Variants in SLC12A9 observed in about 807,000 individuals in gnomAD.
The protein encoded by SLC12A9 is solute carrier family 12 member 9.
SLC12A9 carries 55 observed loss-of-function variants against 66.0 expected under a neutral mutation model. The ratio of observed to expected loss-of-function variants is 0.83; its 90% CI spans 0.67 to 1.04. The LOEUF (loss-of-function observed/expected upper bound fraction) is 1.04, where lower values mean the gene tolerates loss of function less well. Ranked by LOEUF, SLC12A9 falls within the 50% of genes least tolerant of loss-of-function variation. The pLI, the probability that SLC12A9 is intolerant of heterozygous loss-of-function variation, is 0.00. For synonymous variants in SLC12A9, 577 were observed against 569.0 expected, an observed-to-expected ratio of 1.01 and a Z score of -0.20; for missense variants, 1,061 against 1,241.9, an observed-to-expected ratio of 0.85 and a Z score of 2.19.
chr7:100,849,216 C>T (rs548863124), upstream of SLC12A9, among the ~76,000 whole-genome samples: 398 of 151,642 alleles, frequency 2.6e-3, 1 homozygote, highest in Non-Finnish European at 5.1e-3. Context: ...TGTGAGCCAC[C>T]GTGCCCAGCC....
intron 1 of SLC12A9, chr7:100,837,279 G>A (rs1373631333): frequency 2.6e-5 from 4 of 152,236 alleles, no homozygotes; most frequent in Admixed American, 2.6e-4. Context: ...CGATCCTGCG[G>A]ATGCCAAGAG....
Position 100,865,711 on chromosome 7 carries a change from G to GC in SLC12A9, c.1859-3dup, listed in dbSNP as rs764820658. On this transcript the variant is annotated splice_polypyrimidine_tract_variant and splice_region_variant and intron_variant, in intron 13 of 13. Coordinates refer to ENST00000354161, the MANE Select transcript of SLC12A9 (RefSeq NM_020246.4). ...TGTCTGTTCCTGCCTTCCCCGCTCT[G>GC]CCCCCAGGTGGCATGAAGCCCAACA... 1.2e-6 allele frequency: 2 copies of GC among 1,600,756 alleles called. No individual in the cohort carries two copies. Among genetic ancestry groups the GC allele is most frequent in the South Asian group, 2.2e-5 (2 of 89,378 alleles).
chr7:100,847,795 T>C (rs1369627116), upstream of SLC12A9, among the ~76,000 whole-genome samples: 1 of 151,626 alleles, frequency 6.6e-6, no homozygotes, highest in Non-Finnish European at 1.5e-5. Context: ...CAAGCAGAGA[T>C]GGTAGTAGAG....
At position 100,833,208 on chromosome 7, in the gene SLC12A9, G is replaced by T. The variant is rs1439444370; in HGVS notation, n.228+6161G>T. On this transcript the variant is annotated intron_variant and non_coding_transcript_variant, in intron 1 of 1. Transcript: ENST00000461016. ...AAAAAAAAGTTGAAAAAAAGGCTGG[G>T]CGCAGTGGCTCACACCTGTAATCTT... 3.3e-5 allele frequency among the ~76,000 whole-genome samples: 5 copies of T among 152,210 alleles called. No individual in the cohort carries two copies. In the East Asian group the frequency reaches 9.7e-4, roughly 29 times the overall value.
rs752087596 is a variant in SLC12A9 at position 100,865,768 on chromosome 7, A to G, written c.1908A>G (p.Pro636=). 6.2e-7 allele frequency: 1 copy of G among 1,613,556 alleles called. No homozygotes were observed. The highest frequency in any genetic ancestry group is 1.3e-5 in the African/African-American group (1 of 74,896). Residue 636 remains proline (P), a synonymous_variant, in exon 14 of 14, where the codon CCA becomes CCG. Coordinates refer to ENST00000354161, the MANE Select transcript of SLC12A9 (RefSeq NM_020246.4). ...TLVLGFYDDA[P]PQDHFLTDPA... is the part of the protein sequence containing the mutation. ...TCCTAGGTTTCTACGATGACGCTCCACCGCAGGACCATTTCCTGACGGACC... is the reference window on the plus strand; with the variant it reads ...TCCTAGGTTTCTACGATGACGCTCCGCCGCAGGACCATTTCCTGACGGACC...
At chr7:100,839,558 G>C (rs1000399833) in intron 1 of SLC12A9, among the ~76,000 whole-genome samples, 5 of 152,224 alleles carry the variant, frequency 3.3e-5, no homozygotes, top group Non-Finnish European at 7.3e-5. Flanking sequence ...ATCCCTGCGG[G>C]CGACTCTAAC....
intron 1 of SLC12A9, among the ~76,000 whole-genome samples, chr7:100,844,779 A>C (rs1813870525): frequency 6.6e-6 from 1 of 152,200 alleles, no homozygotes; most frequent in South Asian, 2.1e-4. Context: ...GCTGGACTGG[A>C]TCCTCGAGTA....
At position 100,857,153 on chromosome 7, in the gene SLC12A9, G is replaced by A; in HGVS notation, c.734G>A (p.Ser245Asn). 6.2e-7 allele frequency: 1 copy of A among 1,612,892 alleles called. No homozygotes were observed. Among genetic ancestry groups the A allele is most frequent in the Non-Finnish European group, 8.5e-7 (1 of 1,179,070 alleles). The part of the protein sequence containing the change: ...RFGHFTGFNS[S>N]TLKDNLGAGY... Reference sequence around the variant, plus strand: ...GGCCACTTCACCGGCTTCAACAGCAGTACCCTGAAGGACAACTTGGGCGGT... The same window carrying A: ...GGCCACTTCACCGGCTTCAACAGCAATACCCTGAAGGACAACTTGGGCGGT... Residue 245 changes from serine (S) to asparagine (N), a missense_variant, in exon 5 of 14, where the codon AGT becomes AAT. Coordinates refer to ENST00000354161, the MANE Select transcript of SLC12A9 (RefSeq NM_020246.4).
chr7:100,860,761 G>C, intron 9 of SLC12A9: 1 of 393,292 alleles, frequency 2.5e-6, no homozygotes, highest in Admixed American at 3.6e-5. Context: ...GGCACTCTCT[G>C]GGGTTCATTG....
chr7:100,843,070 C>T (rs1033925019), intron 1 of SLC12A9, among the ~76,000 whole-genome samples: 1 of 152,214 alleles, frequency 6.6e-6, no homozygotes, highest in Admixed American at 6.5e-5. Flanking sequence ...ATCAGTCAGC[C>T]CTTGTTCATC....
chr7:100,836,383 G>C (rs1813660078), intron 1 of SLC12A9, among the ~76,000 whole-genome samples: 1 of 152,096 alleles, frequency 6.6e-6, no homozygotes, highest in Non-Finnish European at 1.5e-5. Context: ...AGGTAGGCCG[G>C]GCCCCAGAGG....
chr7:100,851,720 T>C (rs912004480), upstream of SLC12A9, among the ~76,000 whole-genome samples: 1 of 135,688 alleles, frequency 7.4e-6, no homozygotes, highest in Admixed American at 9.0e-5. Context: ...GAGCCGGAAA[T>C]GCAGAGGTTG....
chr7:100,836,799 A>G, intron 1 of SLC12A9, among the ~76,000 whole-genome samples: 1 of 135,888 alleles, frequency 7.4e-6, no homozygotes, highest in East Asian at 2.3e-4. Flanking sequence ...TGCCCCTGGG[A>G]CCTGGGGGAG....
intron 1 of SLC12A9, among the ~76,000 whole-genome samples, chr7:100,838,969 G>C (rs551281341): frequency 1.4e-4 from 21 of 152,064 alleles, no homozygotes; most frequent in African/African-American, 4.8e-4. Context: ...ACATACCCCT[G>C]CTTGCTCAAT....
chr7:100,844,403 TAACCAAAACAG>T (rs1396156296), intron 1 of SLC12A9, among the ~76,000 whole-genome samples: 2 of 152,120 alleles, frequency 1.3e-5, no homozygotes, highest in Admixed American at 1.3e-4. Flanking sequence ...AGTAAAGTGT[TAACCAAAACAG>T]AAGAAAAAGA....
intron 9 of SLC12A9, chr7:100,860,873 C>A: frequency 1.8e-6 from 1 of 550,802 alleles, no homozygotes; most frequent in Non-Finnish European, 3.3e-6. Context: ...TTCACTGACA[C>A]TGGGGATACA....
exon 1 of SLC12A9, chr7:100,826,951 G>A: frequency 6.6e-7 from 1 of 1,521,262 alleles, no homozygotes; most frequent in South Asian, 1.2e-5. Flanking sequence ...GAGTGACGGG[G>A]TGCGCCCCCC....
chr7:100,856,090 A>G lies in SLC12A9; in HGVS notation c.448+253A>G. The G allele has an allele frequency of 1.1e-5, 4 of 347,860 alleles. No homozygotes were observed. In the South Asian group the frequency reaches 1.9e-4, roughly 17 times the overall value. The allele number at this position is 347,860 out of a possible 1,614,324, so 21.5% of individuals were successfully genotyped here. A position where few individuals can be genotyped will look rare whatever the true frequency, so the allele number is the denominator to read the frequency against. ...TTAAAACTGACAGAGACCACCAGGG[A>G]GAGCTAAGATGCTAGGATGGAGCTA... is the stretch of plus-strand genomic sequence containing the variant. On this transcript the variant is annotated intron_variant, in intron 4 of 13. Coordinates refer to ENST00000354161, the MANE Select transcript of SLC12A9 (RefSeq NM_020246.4).
At chr7:100,850,246 C>T (rs1476010534), upstream of SLC12A9, among the ~76,000 whole-genome samples, 3 of 128,002 alleles carry the variant, frequency 2.3e-5, no homozygotes, top group Admixed American at 2.8e-4. Flanking sequence ...TCCTTCCTTC[C>T]TTTTCTTTCT....
Sources: allele counts gnomAD v4.1 joint callset (sites outside exome capture counted in the v4.1 genomes callset), GRCh38; gene constraint gnomAD v4.1.1; transcripts MANE v1.5; gene names NCBI Gene and HGNC (gene_info 2026-07-23, HGNC 2026-07-21).